Variants in HLTF observed in about 807,000 individuals in gnomAD.
HLTF encodes the protein DNA-dependent ATPase/E3 ubiquitin-protein ligase HLTF.
HLTF carries 127 observed loss-of-function variants against 129.4 expected under a neutral mutation model. The ratio of observed to expected loss-of-function variants is 0.98; its 90% CI spans 0.85 to 1.14. The LOEUF (loss-of-function observed/expected upper bound fraction) is 1.14, where lower values mean the gene tolerates loss of function less well. Ranked by LOEUF, HLTF falls within the 50% of genes most tolerant of loss-of-function variation. The probability of loss-of-function intolerance (pLI) is 0.00; values close to 1 mark genes in which losing one functional copy is unlikely to be tolerated. For missense variants in HLTF, 1,139 were observed against 1,187.1 expected, an observed-to-expected ratio of 0.96 and a Z score of 0.60; for synonymous variants, 332 against 388.8, an observed-to-expected ratio of 0.85 and a Z score of 1.72.
At chr3:149,045,243 C>T (rs1298273023) in intron 18 of HLTF, among the ~76,000 whole-genome samples, 2 of 152,102 alleles carry the variant, frequency 1.3e-5, no homozygotes, top group Non-Finnish European at 2.9e-5. Flanking sequence ...CCCTTAATCC[C>T]AATCTCCTTT....
chr3:149,048,741 T>G (rs1273330413), intron 16 of HLTF, 122 bp downstream of exon 16: 1 of 674,136 alleles, frequency 1.5e-6, no homozygotes, highest in Non-Finnish European at 2.5e-6. Context: ...ATTAAATTAT[T>G]TATATGATTA....
intron 19 of HLTF, 140 bp from the exon 20 acceptor site, chr3:149,041,808 A>T: frequency 3.1e-6 from 2 of 655,620 alleles, no homozygotes; most frequent in South Asian, 4.1e-5. Context: ...CATAATTTAA[A>T]TTTGAAATTT....
chr3:149,069,494 G>A (rs962893259), intron 7 of HLTF, among the ~76,000 whole-genome samples: 178 of 149,762 alleles, frequency 1.2e-3, no homozygotes, highest in African/African-American at 4.1e-3. Flanking sequence ...AAAAGAAGAA[G>A]AATGTTCTTG....
chr3:149,034,371 T>C (rs924388333), intron 24 of HLTF, among the ~76,000 whole-genome samples: 2 of 152,098 alleles, frequency 1.3e-5, no homozygotes, highest in African/African-American at 2.4e-5. Flanking sequence ...TATGGTTTTG[T>C]AGAGTAGTCA....
At chr3:149,075,217 C>T (rs1719241529) in intron 3 of HLTF, among the ~76,000 whole-genome samples, 1 of 152,206 alleles carries the variant, frequency 6.6e-6, no homozygotes, top group African/African-American at 2.4e-5. Flanking sequence ...TCACCTACAT[C>T]ATATCACAGA....
At chr3:149,073,577 C>T (rs1165445404) in intron 4 of HLTF, among the ~76,000 whole-genome samples, 4 of 152,018 alleles carry the variant, frequency 2.6e-5, no homozygotes, top group Non-Finnish European at 4.4e-5. Flanking sequence ...GCCTGTAGTC[C>T]CAGCTACTCA....
chr3:149,071,906 A>T (rs928082474), intron 5 of HLTF, among the ~76,000 whole-genome samples: 1 of 152,106 alleles, frequency 6.6e-6, no homozygotes, highest in East Asian at 1.9e-4. Flanking sequence ...TTAAAAAATT[A>T]GCCAGGCATG....
chr3:149,070,555 T>C (rs1718761310), intron 7 of HLTF, among the ~76,000 whole-genome samples: 1 of 152,206 alleles, frequency 6.6e-6, no homozygotes, highest in African/African-American at 2.4e-5. Context: ...ATCAGTAATT[T>C]TTATGAGTAG....
intron 20 of HLTF, chr3:149,040,393 G>T: frequency 2.8e-6 from 1 of 360,426 alleles, no homozygotes. Flanking sequence ...CTAGCTAGAA[G>T]CAAGAGCAAG....
At chr3:149,046,623 A>G (rs999701427) in intron 17 of HLTF, among the ~76,000 whole-genome samples, 3 of 152,184 alleles carry the variant, frequency 2.0e-5, no homozygotes, top group Non-Finnish European at 4.4e-5. Context: ...CTAAGTATCT[A>G]TTAAGTGCCA....
At chr3:149,032,954 T>C (rs1226707858) in intron 24 of HLTF, among the ~76,000 whole-genome samples, 1 of 100,754 alleles carries the variant, frequency 9.9e-6, no homozygotes, top group Non-Finnish European at 1.8e-5. Flanking sequence ...CAGAGCGACG[T>C]CTCAAAAAAA....
intron 2 of HLTF, among the ~76,000 whole-genome samples, chr3:149,081,477 G>T (rs765803825): frequency 6.6e-6 from 1 of 151,880 alleles, no homozygotes. Context: ...TAGAAAAACC[G>T]AATGTAAGAG....
At chr3:149,059,691 A>C (rs1717755855) in intron 13 of HLTF, 27 bp downstream of exon 13, 1 of 1,406,140 alleles carries the variant, frequency 7.1e-7, no homozygotes, top group East Asian at 2.3e-5. Context: ...AAAAACCAAA[A>C]ACTAGAAAAC....
intron 2 of HLTF, among the ~76,000 whole-genome samples, chr3:149,081,495 T>C (rs1184875198): frequency 6.6e-6 from 1 of 152,048 alleles, no homozygotes; most frequent in African/African-American, 2.4e-5. Context: ...GAGTAATTAT[T>C]AAGCCAAGAA....
intron 17 of HLTF, among the ~76,000 whole-genome samples, chr3:149,047,251 G>A (rs1274475093): frequency 6.6e-6 from 1 of 152,070 alleles, no homozygotes; most frequent in Non-Finnish European, 1.5e-5. Context: ...TTTAATTTAT[G>A]TTCTCAACTT....
intron 8 of HLTF, 133 bp downstream of exon 8, chr3:149,068,107 A>T: frequency 1.9e-6 from 1 of 536,990 alleles, no homozygotes; most frequent in Non-Finnish European, 3.4e-6. Flanking sequence ...TATCAGCAAC[A>T]CATAAAAGAC....
chr3:149,076,206 TA>T (rs1334751735), intron 2 of HLTF, among the ~76,000 whole-genome samples, 159 bp from the exon 3 acceptor site: 1 of 152,074 alleles, frequency 6.6e-6, no homozygotes, highest in East Asian at 1.9e-4. Flanking sequence ...AATATTAATA[TA>T]TATTATTATG....
intron 14 of HLTF, among the ~76,000 whole-genome samples, chr3:149,054,944 T>G (rs1459851863): frequency 6.6e-6 from 1 of 152,196 alleles, no homozygotes; most frequent in Admixed American, 6.5e-5. Context: ...TAAAAATAAG[T>G]TATTGTTGGT....
rs750273899 is a variant in HLTF at position 149,048,132 on chromosome 3, C to A, written c.1788G>T (p.Leu596Phe). 1 of 1,610,942 alleles carries A rather than the reference C, an allele frequency of 6.2e-7. No individual in the cohort carries two copies. Among genetic ancestry groups the A allele is most frequent in the South Asian group, 1.1e-5 (1 of 90,502 alleles). Residue 596 changes from leucine (L) to phenylalanine (F), a missense_variant, in exon 17 of 25, where the codon TTG (leucine) becomes TTT (phenylalanine). Physicochemically the swap from Leu to Phe is conservative, Grantham distance 22 (BLOSUM62 0). Transcript: ENST00000310053. Reference sequence around the variant, plus strand: ...GTTTTAAAAAGGAAAGAAGAGACCACAAGTCCTTTAAAGAATTCTGGATTG... The same window carrying A: ...GTTTTAAAAAGGAAAGAAGAGACCAAAAGTCCTTTAAAGAATTCTGGATTG... ...GTPIQNSLKD[L>F]WSLLSFLKLK...
Sources: allele counts gnomAD v4.1 joint callset (sites outside exome capture counted in the v4.1 genomes callset), GRCh38; gene constraint gnomAD v4.1.1; transcripts MANE v1.5; gene names NCBI Gene and HGNC (gene_info 2026-07-23, HGNC 2026-07-21).